FRMPD2: variants seen among roughly 807,000 people sequenced by gnomAD.
FRMPD2 encodes FERM and PDZ domain-containing protein 2.
Under a neutral mutation model 140.1 loss-of-function variants are expected in FRMPD2, and 96 were observed. The ratio of observed to expected loss-of-function variants is 0.69; its 90% confidence interval spans 0.58 to 0.81. The LOEUF (loss-of-function observed/expected upper bound fraction) is 0.81, where lower values mean the gene tolerates loss of function less well. Among genes scored for constraint, FRMPD2 ranks in the 40% least tolerant of loss-of-function variants. FRMPD2 has a pLI of 0.00. For synonymous variants in FRMPD2, 449 were observed against 547.6 expected (o/e 0.82, Z 2.52); for missense variants, 1,240 against 1,447.4 (o/e 0.86, Z 2.32).
At chr10:48,246,675 G>T (rs1262554353) in intron 3 of FRMPD2, among the ~76,000 whole-genome samples, 1 of 152,224 alleles carries the variant, frequency 6.6e-6, no homozygotes, top group African/African-American at 2.4e-5. Context: ...AAGGAGAGGG[G>T]TCTGGGTACA....
chr10:48,208,143 C>A (rs897986011), intron 13 of FRMPD2, among the ~76,000 whole-genome samples: 1 of 151,936 alleles, frequency 6.6e-6, no homozygotes, highest in African/African-American at 2.4e-5. Context: ...AGTGGCCAGC[C>A]TGGGCATGTG....
At chr10:48,240,272 C>A in intron 6 of FRMPD2, 88 bp downstream of exon 6, 2 of 1,425,408 alleles carry the variant, frequency 1.4e-6, no homozygotes, top group Non-Finnish European at 9.6e-7. Flanking sequence ...TCTGCCATCA[C>A]AATGTGGATG....
intron 1 of FRMPD2, among the ~76,000 whole-genome samples, chr10:48,255,360 G>A (rs965825624): frequency 6.6e-6 from 1 of 152,140 alleles, no homozygotes; most frequent in Non-Finnish European, 1.5e-5. Context: ...CATGCCTCGG[G>A]CTAGAATCTT....
At position 48,178,091 on chromosome 10, in the gene FRMPD2, C is replaced by T; in HGVS notation, c.2851G>A (p.Val951Met). 6.2e-7 allele frequency: 1 copy of T among 1,604,718 alleles called. No individual in the cohort carries two copies. Reference sequence around the variant, plus strand: ...GTCCCATCTTCTTTAACCAGTTCCACAAAGTAGATTTCACCAGCACTGATT... The same window carrying T: ...GTCCCATCTTCTTTAACCAGTTCCATAAAGTAGATTTCACCAGCACTGATT... ...PEISAGEIYF[V>M]ELVKEDGTLG... Residue 951 changes from valine (V) to methionine (M), a missense_variant, in exon 22 of 29, where the codon GTG becomes ATG. Val to Met is a conservative substitution (Grantham distance 21). Around this residue, in one of 6 missense-constraint regions of FRMPD2, gnomAD observed 25 missense variants for 41.5 expected, o/e 0.60. Transcript: ENST00000374201.
At chr10:48,181,249 A>T (rs1395284342) in intron 20 of FRMPD2, among the ~76,000 whole-genome samples, 1 of 152,294 alleles carries the variant, frequency 6.6e-6, no homozygotes, top group Non-Finnish European at 1.5e-5. Context: ...GCGTAGGCTC[A>T]AAAGAAGTTC....
At chr10:48,204,322 A>G (rs537912262) in intron 14 of FRMPD2, among the ~76,000 whole-genome samples, 2 of 152,346 alleles carry the variant, frequency 1.3e-5, no homozygotes, top group Admixed American at 6.5e-5. Flanking sequence ...ATCCCATGAA[A>G]TAGAATTTGT....
intron 1 of FRMPD2, among the ~76,000 whole-genome samples, chr10:48,261,547 T>A (rs1336989594): frequency 2.0e-5 from 3 of 152,174 alleles, no homozygotes; most frequent in Non-Finnish European, 4.4e-5. Flanking sequence ...GAACTCTGTA[T>A]ACTGCAAAGT....
In FRMPD2 at chr10:48,206,786, G is replaced by GT; in HGVS notation, c.1758dup (p.Arg587ThrfsTer39). The GT allele has an allele frequency of 6.2e-7, 1 of 1,613,984 alleles. No individual in the cohort carries two copies. Among genetic ancestry groups the GT allele is most frequent in the Non-Finnish European group, 8.5e-7 (1 of 1,179,890 alleles). Reference sequence around the variant, plus strand: ...TTCCCGGTTTCTCTCCACTGAAACCGTAACATTGCAATTCTGCTGTTGTTT... The same window carrying GT: ...TTCCCGGTTTCTCTCCACTGAAACCGTTAACATTGCAATTCTGCTGTTGTTT... On this transcript the variant is annotated frameshift_variant, in exon 14 of 29. Transcript: ENST00000374201. LOFTEE classifies it high-confidence loss of function.
At chr10:48,200,101 C>T (rs2131860483) in intron 15 of FRMPD2, among the ~76,000 whole-genome samples, 1 of 150,872 alleles carries the variant, frequency 6.6e-6, no homozygotes, top group South Asian at 2.1e-4. Flanking sequence ...TACCTTTTGC[C>T]CAAAATTGCT....
chr10:48,257,053 C>G (rs929516395), intron 1 of FRMPD2, among the ~76,000 whole-genome samples: 1 of 152,126 alleles, frequency 6.6e-6, no homozygotes, highest in Non-Finnish European at 1.5e-5. Flanking sequence ...CAGGCTCTGA[C>G]GGAGAATCCT....
chr10:48,160,225 T>A lies in FRMPD2; in HGVS notation c.3882-2855A>T, dbSNP rs1415784968. On this transcript the variant is annotated intron_variant, in intron 28 of 28. Coordinates refer to ENST00000374201, the MANE Select transcript of FRMPD2 (RefSeq NM_001018071.4). ...GTACTGCTTTATTACAAGATATTTTTATAAAGATCTACTACTAGACGGTAA... is the reference window on the plus strand; with the variant it reads ...GTACTGCTTTATTACAAGATATTTTAATAAAGATCTACTACTAGACGGTAA... 4.0e-5 allele frequency among the ~76,000 whole-genome samples: 6 copies of A among 151,602 alleles called. 1 individual carries two copies. The highest frequency in any genetic ancestry group is 8.8e-5 in the Non-Finnish European group (6 of 67,908).
intron 27 of FRMPD2, among the ~76,000 whole-genome samples, chr10:48,164,756 TC>T (rs1838050720): frequency 7.0e-6 from 1 of 142,438 alleles, no homozygotes; most frequent in Admixed American, 7.0e-5. Flanking sequence ...TGGAGAGACC[TC>T]CAAAATCTGT....
At chr10:48,260,544 C>G (rs1219876052) in intron 1 of FRMPD2, among the ~76,000 whole-genome samples, 1 of 152,186 alleles carries the variant, frequency 6.6e-6, no homozygotes, top group Admixed American at 6.5e-5. Context: ...CTCACAGACA[C>G]GTTCCAAAAT....
intron 3 of FRMPD2, among the ~76,000 whole-genome samples, chr10:48,246,128 G>C (rs1192901238): frequency 6.6e-6 from 1 of 150,602 alleles, no homozygotes; most frequent in African/African-American, 2.5e-5. Context: ...CCAAAGAGCA[G>C]GGGCTTGGTA....
chr10:48,186,226 G>A (rs1838681129), intron 17 of FRMPD2, among the ~76,000 whole-genome samples: 1 of 152,196 alleles, frequency 6.6e-6, no homozygotes, highest in Non-Finnish European at 1.5e-5. Context: ...GTGTGCCACA[G>A]TGTACTTGGG....
At chr10:48,216,242 G>A (rs7067673) in intron 12 of FRMPD2, among the ~76,000 whole-genome samples, 25,607 of 152,024 alleles carry the variant, frequency 0.17, 2,248 homozygotes, top group Non-Finnish European at 0.18. Flanking sequence ...ATAGATGACA[G>A]ATAGATAATA....
chr10:48,178,741 C>G (rs1177708025), intron 21 of FRMPD2: 1 of 153,218 alleles, frequency 6.5e-6, no homozygotes, highest in Admixed American at 6.5e-5. Flanking sequence ...CCCCAGGAAA[C>G]CAACTCTCAG....
At chr10:48,185,757 C>T (rs1564418457) in intron 17 of FRMPD2, 112 bp from the exon 18 acceptor site, 4 of 774,220 alleles carry the variant, frequency 5.2e-6, no homozygotes, top group Non-Finnish European at 9.1e-6. Context: ...CATTCACACG[C>T]ACACAATCCT....
At chr10:48,252,963 TA>T (rs1323145389) in intron 1 of FRMPD2, among the ~76,000 whole-genome samples, 6 of 152,142 alleles carry the variant, frequency 3.9e-5, no homozygotes, top group Non-Finnish European at 8.8e-5. Flanking sequence ...ACTTATGGAC[TA>T]GGCATTCCTA....
Sources: allele counts gnomAD v4.1 joint callset (sites outside exome capture counted in the v4.1 genomes callset), GRCh38; gene constraint gnomAD v4.1.1; regional missense constraint gnomAD v4.1.1; transcripts MANE v1.5; gene names NCBI Gene and HGNC (gene_info 2026-07-23, HGNC 2026-07-21).